KAT6B: variants seen among roughly 807,000 people sequenced by gnomAD.
The protein encoded by KAT6B is histone acetyltransferase KAT6B.
A neutral mutation model predicts 187.5 loss-of-function variants in KAT6B; 10 were observed. That is an observed-to-expected ratio of 0.05 (90% confidence interval 0.03 to 0.09). KAT6B has a LOEUF of 0.09. Among genes scored for constraint, KAT6B ranks in the 10% least tolerant of loss-of-function variants. The pLI is 1.00. For missense variants in KAT6B, 1,952 were observed against 2,558.9 expected (o/e 0.76, Z 5.12); for synonymous variants, 861 against 926.8 (o/e 0.93, Z 1.29).
At position 74,876,997 on chromosome 10, in the gene KAT6B, C is replaced by T. The variant is rs189980614; in HGVS notation, c.621+33519C>T. On this transcript the variant is annotated intron_variant, in intron 3 of 17. Coordinates refer to ENST00000287239, the MANE Select transcript of KAT6B (RefSeq NM_012330.4). ...GACAGATTCCGTCTCAGAAAAGTCT[C>T]GCTCTGTTGCTCAGGCTGGAGCGCA... 4.2e-3 allele frequency among the ~76,000 whole-genome samples: 632 copies of T among 152,012 alleles called. 24 individuals carry two copies. Among genetic ancestry groups the T allele is most frequent in the Admixed American group, 0.035 (527 of 15,248 alleles).
intron 3 of KAT6B, among the ~76,000 whole-genome samples, chr10:74,927,108 T>G (rs968105787): frequency 5.9e-5 from 9 of 152,232 alleles, no homozygotes. Flanking sequence ...TCACTGAGGA[T>G]GTCATTGTTC....
rs1256339377 is a variant in KAT6B at position 74,887,167 on chromosome 10, A to C, written c.621+43689A>C. Among the ~76,000 whole-genome samples the C allele has an allele frequency of 2.6e-5, 4 of 152,046 alleles. No homozygotes were observed. In the East Asian group the frequency reaches 7.7e-4, roughly 29 times the overall value. On this transcript the variant is annotated intron_variant, in intron 3 of 17. Transcript: ENST00000287239. ...ACCCAATGCCCTGGGGTTGGTTTCT[A>C]CCAGGTCAGGGATGCAGTTCTGCAG...
intron 3 of KAT6B, among the ~76,000 whole-genome samples, chr10:74,926,182 A>C (rs1191816728): frequency 3.9e-5 from 6 of 152,264 alleles, no homozygotes; most frequent in Non-Finnish European, 7.3e-5. Context: ...AGCCGGGCAC[A>C]GTGGCTCACG....
At chr10:74,891,509 C>T (rs1845643307) in intron 3 of KAT6B, among the ~76,000 whole-genome samples, 1 of 152,200 alleles carries the variant, frequency 6.6e-6, no homozygotes, top group Non-Finnish European at 1.5e-5. Context: ...ATAACAGTTT[C>T]ACTAATGTGT....
chr10:74,949,533 T>TTCC (rs1378059909), intron 3 of KAT6B, among the ~76,000 whole-genome samples: 1 of 152,250 alleles, frequency 6.6e-6, no homozygotes, highest in Non-Finnish European at 1.5e-5. Flanking sequence ...TAGAATCACT[T>TTCC]TCCTTAATCA....
In KAT6B at chr10:74,967,107, A is replaced by G. The variant is rs1468332838; in HGVS notation, c.731-2553A>G. Among the ~76,000 whole-genome samples, 6 of 152,076 alleles carry G rather than the reference A, an allele frequency of 3.9e-5. No homozygotes were observed. The East Asian group carries it at 9.7e-4, about 24-fold the overall frequency. The stretch of plus-strand genomic sequence containing the variant: ...TTTGGGAGGCTGAGGCAGGTGGATC[A>G]CAAGGTCAGGAGATCAAGACCATCC... On this transcript the variant is annotated intron_variant, in intron 4 of 17. Transcript: ENST00000287239.
At chr10:74,876,802 A>C (rs1225322067) in intron 3 of KAT6B, among the ~76,000 whole-genome samples, 2 of 151,576 alleles carry the variant, frequency 1.3e-5, no homozygotes, top group Non-Finnish European at 2.9e-5. Context: ...AGTCTCAGCT[A>C]CTCGGGAGGC....
chr10:74,878,545 G>T (rs1467777360), intron 3 of KAT6B, among the ~76,000 whole-genome samples: 1 of 151,332 alleles, frequency 6.6e-6, no homozygotes. Flanking sequence ...ACTTGAACCC[G>T]GGAGGTGGAG....
chr10:74,856,092 T>C (rs1297741371), intron 3 of KAT6B, among the ~76,000 whole-genome samples: 2 of 152,146 alleles, frequency 1.3e-5, no homozygotes, highest in East Asian at 1.9e-4. Context: ...TTTATAACTT[T>C]TGACTTTTTT....
chr10:74,874,789 GT>G (rs1844282875), intron 3 of KAT6B, among the ~76,000 whole-genome samples: 1 of 152,012 alleles, frequency 6.6e-6, no homozygotes, highest in Non-Finnish European at 1.5e-5. Context: ...TGAGATCTAT[GT>G]TTTGTGTGTG....
rs1377453284 is a variant in KAT6B at position 75,030,580 on chromosome 10, G to A, written c.5756G>A (p.Ser1919Asn). 1 of 1,609,290 alleles carries A rather than the reference G, an allele frequency of 6.2e-7. No homozygotes were observed. The highest frequency in any genetic ancestry group is 8.5e-7 in the Non-Finnish European group (1 of 1,176,132). ...HSQRLQTQIA[S>N]KGHISMRTKS... ...CAAAGACTGCAAACCCAGATTGCCA[G>A]CAAGGGCCACATCTCCATGAGAACC... Residue 1919 changes from serine (S) to asparagine (N), a missense_variant, in exon 18 of 18, where the codon AGC becomes AAC. Around this residue, in one of 9 missense-constraint regions of KAT6B, gnomAD observed 358 missense variants for 436.3 expected, o/e 0.82. Transcript: ENST00000287239. This position sits in a 1 kb window ranked among gnomAD's most constrained non-coding sequence, Gnocchi z 4.8.
At chr10:75,008,031 G>T (rs1033539478) in intron 13 of KAT6B, among the ~76,000 whole-genome samples, 10 of 152,186 alleles carry the variant, frequency 6.6e-5, no homozygotes, top group Non-Finnish European at 1.5e-4. Flanking sequence ...GTTGAGTCTA[G>T]TTCATTAGAG....
At chr10:75,010,432 G>A (rs1461041628) in intron 13 of KAT6B, among the ~76,000 whole-genome samples, 1 of 152,170 alleles carries the variant, frequency 6.6e-6, no homozygotes, top group Non-Finnish European at 1.5e-5. Context: ...AATTTCTAAG[G>A]AGATTTGTAT....
At chr10:74,853,061 G>A (rs1422789028) in intron 3 of KAT6B, among the ~76,000 whole-genome samples, 3 of 149,710 alleles carry the variant, frequency 2.0e-5, no homozygotes, top group Non-Finnish European at 4.4e-5. Flanking sequence ...AAAAATGAAG[G>A]TCTATATTCT....
intron 4 of KAT6B, among the ~76,000 whole-genome samples, chr10:74,968,621 T>A (rs1347054070): frequency 6.6e-6 from 1 of 152,214 alleles, no homozygotes; most frequent in Non-Finnish European, 1.5e-5. Context: ...TGCTTTTTTT[T>A]ATTACCCCTC....
At chr10:74,895,894 T>C (rs1032418340) in intron 3 of KAT6B, among the ~76,000 whole-genome samples, 6 of 152,164 alleles carry the variant, frequency 3.9e-5, no homozygotes, top group African/African-American at 7.2e-5. Context: ...TGTCCAAAGA[T>C]TCCCTAAAAA....
intron 15 of KAT6B, among the ~76,000 whole-genome samples, chr10:75,021,492 T>C (rs141377325): frequency 6.6e-6 from 1 of 152,342 alleles, no homozygotes; most frequent in African/African-American, 2.4e-5. Context: ...ACATTTATCA[T>C]TGATTACAAA....
At chr10:75,009,233 A>T (rs1844427749) in intron 13 of KAT6B, among the ~76,000 whole-genome samples, 1 of 152,202 alleles carries the variant, frequency 6.6e-6, no homozygotes, top group Non-Finnish European at 1.5e-5. Flanking sequence ...CCTGTTATTT[A>T]CGTAGTTTGT....
intron 4 of KAT6B, among the ~76,000 whole-genome samples, chr10:74,966,690 A>G (rs986189117): frequency 1.3e-5 from 2 of 152,246 alleles, no homozygotes; most frequent in African/African-American, 2.4e-5. Context: ...AACTCCAGAA[A>G]GACAAAGCAC....
Sources: gnomAD v4.1 joint callset for allele counts (sites outside exome capture counted in the v4.1 genomes callset) on GRCh38, gnomAD v4.1.1 for gene constraint, gnomAD v4.1.1 regional missense constraint, Gnocchi (gnomAD v3.1) non-coding constraint, MANE v1.5 for transcripts, NCBI Gene and HGNC (gene_info 2026-07-23, HGNC 2026-07-21) for gene names.